The following STARD6 variants were observed in gnomAD, a reference collection of about 807,000 sequenced individuals.
The protein encoded by STARD6 is stAR-related lipid transfer protein 6.
In STARD6, 21 loss-of-function variants were observed where a neutral mutation model predicts 22.3. That is an observed-to-expected ratio of 0.94 (90% CI 0.67 to 1.35). The LOEUF is 1.35. Among genes scored for constraint, STARD6 ranks in the 40% most tolerant of loss-of-function variants. STARD6 has a pLI of 0.00. For missense variants in STARD6, 269 were observed against 266.9 expected (o/e 1.01, Z -0.05); for synonymous variants, 80 against 88.1 (o/e 0.91, Z 0.52).
At chr18:54,350,256 T>C (rs1245672919) in intron 4 of STARD6, among the ~76,000 whole-genome samples, 2 of 152,240 alleles carry the variant, frequency 1.3e-5, no homozygotes, top group Non-Finnish European at 1.5e-5. Context: ...CATTTTTTCA[T>C]GTTTGTTGGC....
chr18:54,336,553 A>G (rs569426031), intron 5 of STARD6, among the ~76,000 whole-genome samples: 1 of 152,226 alleles, frequency 6.6e-6, no homozygotes, highest in Non-Finnish European at 1.5e-5. Context: ...GGACTCATAC[A>G]CCTACTCTTA....
chr18:54,340,607 C>G (rs986789476), intron 4 of STARD6, among the ~76,000 whole-genome samples: 42 of 152,198 alleles, frequency 2.8e-4, no homozygotes, highest in African/African-American at 9.9e-4. Flanking sequence ...CTGAATACGG[C>G]AGACATAAAT....
intron 4 of STARD6, among the ~76,000 whole-genome samples, chr18:54,342,563 A>T (rs1221310317): frequency 2.4e-5 from 3 of 123,958 alleles, no homozygotes; most frequent in African/African-American, 9.8e-5. Flanking sequence ...GCTCACTGCA[A>T]CCTCCCTGCC....
At chr18:54,346,969 T>C (rs913996380) in intron 4 of STARD6, among the ~76,000 whole-genome samples, 3 of 152,112 alleles carry the variant, frequency 2.0e-5, no homozygotes, top group African/African-American at 7.2e-5. Flanking sequence ...ATGTTCTAAA[T>C]GAAATTATGG....
chr18:54,337,975 C>T (rs1344886), intron 4 of STARD6, among the ~76,000 whole-genome samples: 416 of 152,138 alleles, frequency 2.7e-3, no homozygotes, highest in Non-Finnish European at 4.6e-3. Flanking sequence ...TGGCCCACTA[C>T]GAGCACACTC....
intron 4 of STARD6, among the ~76,000 whole-genome samples, chr18:54,343,705 C>T (rs1302750512): frequency 2.1e-5 from 1 of 48,492 alleles, no homozygotes; most frequent in Non-Finnish European, 4.1e-5. Flanking sequence ...CCAGCCGCCC[C>T]GTCCGGGAGG....
intron 5 of STARD6, among the ~76,000 whole-genome samples, chr18:54,336,195 C>T (rs1030980694): frequency 2.6e-5 from 4 of 152,114 alleles, no homozygotes; most frequent in Non-Finnish European, 5.9e-5. Context: ...ATCTATTTAA[C>T]TGAGATAATG....
chr18:54,340,589 A>G (rs961843036), intron 4 of STARD6, among the ~76,000 whole-genome samples: 1 of 152,226 alleles, frequency 6.6e-6, no homozygotes, highest in Non-Finnish European at 1.5e-5. Context: ...CAATAACATT[A>G]GGTGTGACTG....
rs760501311 is a variant in STARD6 at position 54,339,044 on chromosome 18, C to CAAAAAAAA, written c.141-1801_141-1794dup. ...GCCTGGCGACAGAGTGAGACTCCAT[C>CAAAAAAAA]AAAAAAAAAAAAAAAAAAAAAAAAA... On this transcript the variant is annotated intron_variant, in intron 4 of 7. Coordinates refer to ENST00000307844, the MANE Select transcript of STARD6 (RefSeq NM_139171.2). Among the ~76,000 whole-genome samples the CAAAAAAAA allele has an allele frequency of 5.8e-4, 6 of 10,414 alleles. 2 individuals are homozygous for CAAAAAAAA. The highest frequency in any genetic ancestry group is 7.0e-4 in the Non-Finnish European group (3 of 4,258). 6.8% of individuals were successfully genotyped at this position (10,414 alleles called of 152,430 possible). A position where few individuals can be genotyped will look rare whatever the true frequency, so the allele number is the denominator to read the frequency against.
Position 54,357,778 on chromosome 18 carries a change from G to C in STARD6, c.-89+14C>G, listed in dbSNP as rs1405061797. 1 of 152,944 alleles carries C rather than the reference G, an allele frequency of 6.5e-6. No homozygotes were observed. Among genetic ancestry groups the C allele is most frequent in the African/African-American group, 2.4e-5 (1 of 41,476 alleles). 9.5% of individuals were successfully genotyped at this position (152,944 alleles called of 1,614,324 possible). The stretch of plus-strand genomic sequence containing the variant: ...CCCCCATTCCCAGCCCCAGAAAGGA[G>C]GGAGAAACAGCACCTTCCAGCAGGG... On this transcript the variant is annotated intron_variant, in intron 1 of 7. Coordinates refer to ENST00000307844, the MANE Select transcript of STARD6 (RefSeq NM_139171.2).
intron 5 of STARD6, among the ~76,000 whole-genome samples, chr18:54,335,253 G>T (rs543346084): frequency 6.6e-6 from 1 of 151,956 alleles, no homozygotes; most frequent in East Asian, 1.9e-4. Flanking sequence ...GGAGTGCGAC[G>T]GCATGATCCT....
intron 4 of STARD6, among the ~76,000 whole-genome samples, chr18:54,347,770 TTAGAAC>T: frequency 6.6e-6 from 1 of 152,120 alleles, no homozygotes; most frequent in Non-Finnish European, 1.5e-5. Flanking sequence ...TCCTGAGCTG[TTAGAAC>T]TCTTTATTTT....
At chr18:54,356,723 C>T (rs934865252) in intron 1 of STARD6, among the ~76,000 whole-genome samples, 2 of 152,200 alleles carry the variant, frequency 1.3e-5, no homozygotes, top group Admixed American at 1.3e-4. Flanking sequence ...AGTTTTTAAG[C>T]TTACGTCACT....
chr18:54,349,948 T>C (rs1479808623), intron 4 of STARD6, among the ~76,000 whole-genome samples: 3 of 152,196 alleles, frequency 2.0e-5, no homozygotes, highest in Admixed American at 6.5e-5. Context: ...TAAGCATGTG[T>C]GTGCATGTGT....
intron 4 of STARD6, among the ~76,000 whole-genome samples, chr18:54,339,118 C>T (rs1428313242): frequency 1.7e-3 from 120 of 71,692 alleles, no homozygotes; most frequent in Non-Finnish European, 2.8e-3. Flanking sequence ...AAAGAACTAA[C>T]GAAAGCAGGA....
intron 1 of STARD6, among the ~76,000 whole-genome samples, chr18:54,356,653 C>A (rs151193764): frequency 1.2e-3 from 182 of 152,172 alleles, no homozygotes; most frequent in African/African-American, 4.2e-3. Context: ...CTTTAAGAAA[C>A]TATTTTAAAG....
intron 4 of STARD6, 41 bp from the exon 5 acceptor site, chr18:54,337,292 T>C: frequency 6.3e-7 from 1 of 1,586,006 alleles, no homozygotes; most frequent in Non-Finnish European, 8.6e-7. Context: ...GCTTAAAAAG[T>C]TTAGTCTAAG....
At chr18:54,343,150 G>A (rs1167745321) in intron 4 of STARD6, among the ~76,000 whole-genome samples, 1 of 37,058 alleles carries the variant, frequency 2.7e-5, no homozygotes, top group African/African-American at 1.3e-4. Context: ...CTGCCCGGCC[G>A]AGACCCCGTC....
intron 4 of STARD6, among the ~76,000 whole-genome samples, chr18:54,347,430 A>G (rs572941960): frequency 1.3e-5 from 2 of 152,210 alleles, no homozygotes; most frequent in Non-Finnish European, 2.9e-5. Flanking sequence ...TTATTGATGG[A>G]TACTGATGTT....
Sources: allele counts gnomAD v4.1 joint callset (sites outside exome capture counted in the v4.1 genomes callset), GRCh38; gene constraint gnomAD v4.1.1; transcripts MANE v1.5; gene names NCBI Gene and HGNC (gene_info 2026-07-23, HGNC 2026-07-21).